TBC1D1: variants seen among roughly 807,000 people sequenced by gnomAD.
The protein encoded by TBC1D1 is TBC1 domain family member 1.
TBC1D1 carries 89 observed loss-of-function variants against 125.6 expected under a neutral mutation model. That is an observed-to-expected ratio of 0.71 (90% CI 0.60 to 0.85). The LOEUF is 0.85. TBC1D1 is among the 40% of genes least tolerant of loss of function. The pLI is 0.00. For synonymous variants in TBC1D1, 565 were observed against 564.1 expected (o/e 1.00, Z -0.02); for missense variants, 1,377 against 1,469.2 (o/e 0.94, Z 1.03).
intron 2 of TBC1D1, among the ~76,000 whole-genome samples, chr4:37,922,183 A>G (rs1370005146): frequency 1.5e-4 from 23 of 152,202 alleles, no homozygotes; most frequent in Admixed American, 9.2e-4. Context: ...ACTTTCACGT[A>G]TCACTTTATT....
intron 10 of TBC1D1, among the ~76,000 whole-genome samples, chr4:38,046,786 T>G (rs1403035962): frequency 6.6e-6 from 1 of 152,220 alleles, no homozygotes; most frequent in Non-Finnish European, 1.5e-5. Context: ...TTAATCATAT[T>G]TAAGCCTGGT....
intron 4 of TBC1D1, among the ~76,000 whole-genome samples, chr4:38,018,830 A>T (rs1191480534): frequency 6.6e-6 from 1 of 151,844 alleles, no homozygotes. Context: ...AAAATTTGTA[A>T]CTTTTTTGGG....
At chr4:37,941,266 C>T (rs565737725) in intron 2 of TBC1D1, among the ~76,000 whole-genome samples, 10 of 152,076 alleles carry the variant, frequency 6.6e-5, no homozygotes, top group South Asian at 2.1e-4. Flanking sequence ...GTGTATGTGT[C>T]GAGGAATTTA....
intron 17 of TBC1D1, among the ~76,000 whole-genome samples, chr4:38,121,119 C>T (rs1210223890): frequency 6.6e-6 from 1 of 152,114 alleles, no homozygotes; most frequent in African/African-American, 2.4e-5. Flanking sequence ...TGAGTGTGTC[C>T]AGTCTGTCTG....
chr4:38,135,041 T>C (rs981327598), intron 19 of TBC1D1, among the ~76,000 whole-genome samples: 2 of 152,096 alleles, frequency 1.3e-5, no homozygotes, highest in Admixed American at 1.3e-4. Context: ...TGGATATAGT[T>C]TTTCCATGAT....
At chr4:37,962,710 G>A (rs1164766336) in intron 2 of TBC1D1, among the ~76,000 whole-genome samples, 1 of 152,146 alleles carries the variant, frequency 6.6e-6, no homozygotes, top group Non-Finnish European at 1.5e-5. Flanking sequence ...ATATCCTGTG[G>A]ACTTAGTTAT....
chr4:38,103,864 G>A (rs1191562887), intron 15 of TBC1D1, among the ~76,000 whole-genome samples: 1 of 152,122 alleles, frequency 6.6e-6, no homozygotes, highest in Non-Finnish European at 1.5e-5. Context: ...GATTTAAGGT[G>A]TGTGGGAGGA....
chr4:37,901,559 T>C (rs1468771752), intron 1 of TBC1D1, among the ~76,000 whole-genome samples: 5 of 151,280 alleles, frequency 3.3e-5, no homozygotes, highest in African/African-American at 1.2e-4. Flanking sequence ...TGCAACATAA[T>C]AGGCACTGAA....
chr4:37,902,929 A>G (rs1245090058), intron 2 of TBC1D1, among the ~76,000 whole-genome samples: 1 of 152,240 alleles, frequency 6.6e-6, no homozygotes, highest in Non-Finnish European at 1.5e-5. Context: ...CAAGCTGCCA[A>G]GAAATGCTGA....
chr4:37,965,919 G>C (rs772114973), intron 2 of TBC1D1, among the ~76,000 whole-genome samples: 2 of 151,942 alleles, frequency 1.3e-5, no homozygotes. Context: ...GCTAATTTTT[G>C]TATTTTTAGT....
Position 38,094,233 on chromosome 4 carries a change from T to G in TBC1D1, c.2237-1696T>G, listed in dbSNP as rs556186814. On this transcript the variant is annotated intron_variant, in intron 13 of 19. Transcript: ENST00000261439. Reference sequence around the variant, plus strand: ...GAAAGCCATTGTTAACAGAGCAGAATTGGGGATGGAGCAGCCATAGCCCAC... The same window carrying G: ...GAAAGCCATTGTTAACAGAGCAGAAGTGGGGATGGAGCAGCCATAGCCCAC... Among the ~76,000 whole-genome samples, 3 of 152,266 alleles carry G rather than the reference T, an allele frequency of 2.0e-5. No homozygotes were observed. The East Asian group carries it at 5.8e-4, about 29-fold the overall frequency.
At chr4:38,134,644 G>A (rs1766172487) in intron 19 of TBC1D1, among the ~76,000 whole-genome samples, 1 of 152,196 alleles carries the variant, frequency 6.6e-6, no homozygotes, top group African/African-American at 2.4e-5. Context: ...GTTAAGATAG[G>A]CAGTTCTCAA....
chr4:38,006,761 G>C, intron 2 of TBC1D1: 1 of 453,698 alleles, frequency 2.2e-6, no homozygotes, highest in Middle Eastern at 8.1e-4. Flanking sequence ...TTACAGGCGT[G>C]AGCCACTGCG....
chr4:38,029,463 G>A (rs751842753), intron 7 of TBC1D1, among the ~76,000 whole-genome samples: 24 of 152,294 alleles, frequency 1.6e-4, no homozygotes, highest in Middle Eastern at 3.4e-3. Context: ...TGCTTCCCGG[G>A]TTCAAGCAAT....
chr4:38,018,212 G>A (rs1474112993), intron 3 of TBC1D1, 142 bp from the exon 4 acceptor site: 1 of 643,938 alleles, frequency 1.6e-6, no homozygotes, highest in Non-Finnish European at 2.7e-6. Context: ...CTGAAATCCA[G>A]AGGATAAGAG....
At position 37,977,404 on chromosome 4, in the gene TBC1D1, C is replaced by T. The variant is rs1208495325; in HGVS notation, c.418-37105C>T. Reference sequence around the variant, plus strand: ...GGGGAGAGCGATGCCCCGGCCCCGCCGCTCCCCAAGCCCGCCCCCGGCCGC... The same window carrying T: ...GGGGAGAGCGATGCCCCGGCCCCGCTGCTCCCCAAGCCCGCCCCCGGCCGC... On this transcript the variant is annotated intron_variant, in intron 2 of 19. Coordinates refer to ENST00000261439, the MANE Select transcript of TBC1D1 (RefSeq NM_015173.4). This position sits in a 1 kb window ranked among gnomAD's most constrained non-coding sequence, Gnocchi z 4.3. 2.8e-6 allele frequency: 2 copies of T among 706,256 alleles called. No homozygotes were observed. Among genetic ancestry groups the T allele is most frequent in the Non-Finnish European group, 1.7e-6 (1 of 576,566 alleles). The allele number at this position is 706,256 out of a possible 1,614,324, so 43.7% of individuals were successfully genotyped here.
intron 12 of TBC1D1, among the ~76,000 whole-genome samples, chr4:38,063,264 G>A (rs1214688841): frequency 6.6e-6 from 1 of 152,194 alleles, no homozygotes; most frequent in Non-Finnish European, 1.5e-5. Flanking sequence ...GGTGCAAAAT[G>A]TAAGGAGGCA....
At position 38,129,534 on chromosome 4, in the gene TBC1D1, G is replaced by A. The variant is rs528401131; in HGVS notation, c.3133-3550G>A. Among the ~76,000 whole-genome samples the A allele has an allele frequency of 1.2e-4, 18 of 152,274 alleles. No individual in the cohort carries two copies. The South Asian group carries it at 2.9e-3, about 25-fold the overall frequency. The stretch of plus-strand genomic sequence containing the variant: ...GCCCCCTTGTTGCTGATACCAGGCC[G>A]ACTGTTCCCACTCTCCAGCCCTTGG... On this transcript the variant is annotated intron_variant, in intron 18 of 19. Coordinates refer to ENST00000261439, the MANE Select transcript of TBC1D1 (RefSeq NM_015173.4).
intron 18 of TBC1D1, among the ~76,000 whole-genome samples, chr4:38,127,855 T>C (rs1275025737): frequency 6.6e-6 from 1 of 152,154 alleles, no homozygotes; most frequent in East Asian, 1.9e-4. Flanking sequence ...AAAGATGACC[T>C]AAGATCGGCT....
Sources: gnomAD v4.1 joint callset for allele counts (sites outside exome capture counted in the v4.1 genomes callset) on GRCh38, gnomAD v4.1.1 for gene constraint, Gnocchi (gnomAD v3.1) non-coding constraint, MANE v1.5 for transcripts, NCBI Gene and HGNC (gene_info 2026-07-23, HGNC 2026-07-21) for gene names.